The following F9 variants were observed in gnomAD, a reference collection of about 807,000 sequenced individuals.
F9 encodes the protein coagulation factor IX, also known as Christmas factor.
A neutral mutation model predicts 34.1 loss-of-function variants in F9; 2 were observed. The observed-to-expected ratio is 0.06, with a 90% confidence interval of 0.02 to 0.18. The LOEUF (loss-of-function observed/expected upper bound fraction) is 0.18, where lower values mean the gene tolerates loss of function less well. Ranked by LOEUF, F9 falls within the 10% of genes least tolerant of loss-of-function variation. The probability of loss-of-function intolerance (pLI) is 1.00; values close to 1 mark genes in which losing one functional copy is unlikely to be tolerated. For missense variants in F9, 216 were observed against 345.1 expected, an observed-to-expected ratio of 0.63 and a Z score of 2.96; for synonymous variants, 137 against 118.8, an observed-to-expected ratio of 1.15 and a Z score of -1.00.
At chrX:139,530,962 G>C (rs761874888) in intron 1 of F9, 110 bp downstream of exon 1, 6 of 687,523 alleles carry the variant, frequency 8.7e-6, no homozygotes, top group Non-Finnish European at 1.4e-5. Context: ...CAGCAATATT[G>C]AAGAGTCTAA....
In F9 at chrX:139,562,054, A is replaced by G; in HGVS notation, c.1369A>G (p.Lys457Glu). ...VSRYVNWIKE[K>E]TKLT ...CCGGTATGTCAACTGGATTAAGGAA[A>G]AAACAAAGCTCACTTAATGAAAGAT... Residue 457 changes from lysine (K) to glutamate (E), a missense_variant, in exon 8 of 8, where the codon AAA becomes GAA. Transcript: ENST00000218099. 1 of 1,211,202 alleles carries G rather than the reference A, an allele frequency of 8.3e-7. No homozygotes were observed. Among genetic ancestry groups the G allele is most frequent in the Non-Finnish European group, 1.1e-6 (1 of 894,881 alleles).
At chrX:139,559,292 C>A (rs765551833) in intron 6 of F9, among the ~76,000 whole-genome samples, 2 of 112,557 alleles carry the variant, frequency 1.8e-5, no homozygotes, top group South Asian at 3.6e-4. Context: ...CAGTGGCTCA[C>A]GCCTGTAATC....
intron 6 of F9, among the ~76,000 whole-genome samples, chrX:139,554,201 T>A (rs1012580479): frequency 3.6e-5 from 4 of 111,831 alleles, no homozygotes; most frequent in African/African-American, 1.3e-4. Flanking sequence ...ACACTTATAG[T>A]TATTGTACCT....
At chrX:139,543,223 C>T (rs948284408) in intron 4 of F9, among the ~76,000 whole-genome samples, 1 of 110,261 alleles carries the variant, frequency 9.1e-6, no homozygotes, top group Non-Finnish European at 1.9e-5. Flanking sequence ...CCCTTCACTG[C>T]GAGAGAGAGG....
intron 1 of F9, among the ~76,000 whole-genome samples, chrX:139,532,813 G>C (rs1259442036): frequency 8.9e-6 from 1 of 112,209 alleles, no homozygotes; most frequent in Non-Finnish European, 1.9e-5. Context: ...AGAACGTGAG[G>C]TATTTCAGGA....
intron 7 of F9, among the ~76,000 whole-genome samples, chrX:139,561,253 A>G (rs774504333): frequency 2.0e-4 from 22 of 111,951 alleles, no homozygotes; most frequent in Non-Finnish European, 4.1e-4. Context: ...AATTTGGAAA[A>G]TCTAGGATAA....
intron 5 of F9, 113 bp from the exon 6 acceptor site, chrX:139,550,949 T>C (rs1927826967): frequency 3.4e-6 from 2 of 594,035 alleles, no homozygotes; most frequent in Non-Finnish European, 5.5e-6. Context: ...TAAATACTGA[T>C]GGGCCTGCTT....
chrX:139,545,452 A>G (rs2148359863), intron 4 of F9, among the ~76,000 whole-genome samples: 1 of 112,014 alleles, frequency 8.9e-6, no homozygotes, highest in East Asian at 2.8e-4. Flanking sequence ...TGGCAGGAAT[A>G]AGCCAAAAAT....
At chrX:139,560,186 T>C (rs1928065791) in intron 6 of F9, among the ~76,000 whole-genome samples, 1 of 112,072 alleles carries the variant, frequency 8.9e-6, no homozygotes, top group Non-Finnish European at 1.9e-5. Flanking sequence ...CCTCACTGCC[T>C]GGATGGCTAT....
chrX:139,554,562 G>A (rs1383230542), intron 6 of F9, among the ~76,000 whole-genome samples: 3 of 111,955 alleles, frequency 2.7e-5, no homozygotes, highest in Non-Finnish European at 3.8e-5. Context: ...AAAGAAACCA[G>A]AATCTCTCCT....
chrX:139,547,097 T>A (rs1406370594), intron 4 of F9, among the ~76,000 whole-genome samples: 1 of 111,653 alleles, frequency 9.0e-6, no homozygotes, highest in Admixed American at 9.5e-5. Flanking sequence ...AGTGTGGTAC[T>A]GACACAAGGA....
chrX:139,562,880 T>C lies in F9; in HGVS notation c.*809T>C. On this transcript the variant is annotated 3_prime_UTR_variant, in exon 8 of 8. Transcript: ENST00000218099. ...TATAATATATATATAAAATATATAA[T>C]ATACAATATAAATATATAGTGTGTG... 1.1e-5 allele frequency: 1 copy of C among 93,745 alleles called. No homozygotes were observed. The highest frequency in any genetic ancestry group is 3.2e-4 in the East Asian group (1 of 3,157). 7.7% of individuals were successfully genotyped at this position (93,745 alleles called of 1,213,427 possible). A position where few individuals can be genotyped will look rare whatever the true frequency, so the allele number is the denominator to read the frequency against.
chrX:139,552,279 TACC>T (rs1448340808), intron 6 of F9, among the ~76,000 whole-genome samples: 1 of 112,353 alleles, frequency 8.9e-6, no homozygotes, highest in East Asian at 2.8e-4. Context: ...AATGCACTTG[TACC>T]TAGTCCTTCC....
intron 5 of F9, among the ~76,000 whole-genome samples, chrX:139,550,240 T>C (rs1471193402): frequency 8.9e-6 from 1 of 112,475 alleles, no homozygotes; most frequent in Non-Finnish European, 1.9e-5. Flanking sequence ...CACTTATACA[T>C]AAGTATTTTG....
intron 3 of F9, among the ~76,000 whole-genome samples, chrX:139,540,340 A>G (rs1927574265): frequency 8.9e-6 from 1 of 112,363 alleles, no homozygotes; most frequent in African/African-American, 3.2e-5. Context: ...ACTTCAAGAA[A>G]GGCAGAATGG....
rs377592837 is a variant in F9 at position 139,541,118 on chromosome X, G to C, written c.320G>C (p.Ser107Thr). 8.3e-7 allele frequency: 1 copy of C among 1,200,087 alleles called. No homozygotes were observed. Among genetic ancestry groups the C allele is most frequent in the African/African-American group, 1.8e-5 (1 of 56,862 alleles). ...CESNPCLNGG[S>T]CKDDINSYEC... ...TCCAATCCATGTTTAAATGGCGGCA[G>C]TTGCAAGGATGACATTAATTCCTAT... Residue 107 changes from serine to threonine, a missense_variant, in exon 4 of 8, where the codon AGT becomes ACT. This residue lies in a region of F9 where 177 missense variants were observed against 311.8 expected (regional missense o/e 0.57). Transcript: ENST00000218099.
intron 1 of F9, among the ~76,000 whole-genome samples, chrX:139,536,155 A>ATG (rs1177658846): frequency 3.8e-5 from 4 of 106,093 alleles, no homozygotes; most frequent in African/African-American, 1.0e-4. Context: ...TATGATATAT[A>ATG]TGTGTGTGTA....
chrX:139,556,386 C>G (rs947087750), intron 6 of F9, among the ~76,000 whole-genome samples: 7 of 111,820 alleles, frequency 6.3e-5, no homozygotes, highest in Middle Eastern at 4.7e-3. Context: ...CAGCTTTGGC[C>G]TGAAGCTATC....
intron 6 of F9, among the ~76,000 whole-genome samples, chrX:139,552,987 G>A (rs917165294): frequency 2.7e-5 from 3 of 112,291 alleles, no homozygotes; most frequent in African/African-American, 9.7e-5. Context: ...CAACATAATG[G>A]ATGTAAGGTA....
Sources: gnomAD v4.1 joint callset for allele counts (sites outside exome capture counted in the v4.1 genomes callset) on GRCh38, gnomAD v4.1.1 for gene constraint, gnomAD v4.1.1 regional missense constraint, MANE v1.5 for transcripts, NCBI Gene and HGNC (gene_info 2026-07-23, HGNC 2026-07-21) for gene names.